IPP: variants seen among roughly 807,000 people sequenced by gnomAD.
IPP encodes the protein intracisternal A particle-promoted polypeptide.
A neutral mutation model predicts 64.1 loss-of-function variants in IPP; 41 were observed. The ratio of observed to expected loss-of-function variants is 0.64; its 90% CI spans 0.50 to 0.83. The LOEUF is 0.83. Among genes scored for constraint, IPP ranks in the 40% least tolerant of loss-of-function variants. The probability of loss-of-function intolerance (pLI) is 0.00; values close to 1 mark genes in which losing one functional copy is unlikely to be tolerated. For synonymous variants in IPP, 214 were observed against 235.2 expected (o/e 0.91, Z 0.83); for missense variants, 649 against 703.0 (o/e 0.92, Z 0.87).
chr1:45,721,069 T>A (rs928941515), intron 5 of IPP, among the ~76,000 whole-genome samples: 1 of 152,194 alleles, frequency 6.6e-6, no homozygotes. Flanking sequence ...CAGTAGAAGA[T>A]ACTTATAGCA....
intron 5 of IPP, among the ~76,000 whole-genome samples, chr1:45,721,328 G>A (rs1184795104): frequency 1.3e-5 from 2 of 152,180 alleles, no homozygotes; most frequent in Non-Finnish European, 2.9e-5. Flanking sequence ...CTGAACACAC[G>A]CTTTCCTTCT....
At chr1:45,698,528 A>C (rs1487176553), downstream of IPP, among the ~76,000 whole-genome samples, 1 of 152,082 alleles carries the variant, frequency 6.6e-6, no homozygotes, top group African/African-American at 2.4e-5. Flanking sequence ...ATCTATAAAA[A>C]GTTTCAGAAG....
At chr1:45,715,259 T>C (rs1053847136) in intron 7 of IPP, among the ~76,000 whole-genome samples, 1 of 151,528 alleles carries the variant, frequency 6.6e-6, no homozygotes, top group African/African-American at 2.4e-5. Context: ...AATTTCCTTA[T>C]AAACTCTGGC....
intron 1 of IPP, among the ~76,000 whole-genome samples, chr1:45,749,662 A>G (rs896013896): frequency 2.7e-4 from 41 of 150,512 alleles, no homozygotes; most frequent in Admixed American, 2.7e-3. Flanking sequence ...CTGGGACTAC[A>G]GGCGCCCGCC....
chr1:45,728,429 G>A (rs1428170002), intron 4 of IPP, among the ~76,000 whole-genome samples: 1 of 151,788 alleles, frequency 6.6e-6, no homozygotes, highest in Non-Finnish European at 1.5e-5. Context: ...TATGTATACA[G>A]ATCTGGACTA....
intron 8 of IPP, among the ~76,000 whole-genome samples, chr1:45,708,104 GC>G (rs1645537688): frequency 6.7e-6 from 1 of 148,930 alleles, no homozygotes; most frequent in Non-Finnish European, 1.5e-5. Flanking sequence ...TCACTCTGTC[GC>G]CCAGGCTGGA....
chr1:45,709,326 G>A (rs867213300), intron 8 of IPP, among the ~76,000 whole-genome samples: 5 of 149,862 alleles, frequency 3.3e-5, no homozygotes, highest in Non-Finnish European at 5.9e-5. Flanking sequence ...CCAGCTACTC[G>A]GGAGGCTGAG....
In IPP at chr1:45,700,169, A is replaced by G. The variant is rs1231800643; in HGVS notation, c.1552T>C (p.Ser518Pro). The change falls in exon 9 of 9, where the codon TCA (serine) becomes CCA (proline). Residue 518 changes from serine to proline, a missense_variant. By Grantham distance (74) the Ser-to-Pro change is moderately conservative. Coordinates refer to ENST00000396478, the MANE Select transcript of IPP (RefSeq NM_005897.3). ...ATGCCTGCTCTAGGCACTTTCATTG[A>G]GGCAACTTCAACCCACTTTTCCTGG... ...FEEEKWVEVA[S>P]MKVPRAGMCV... 1 of 1,613,260 alleles carries G rather than the reference A, an allele frequency of 6.2e-7. No individual in the cohort carries two copies. The highest frequency in any genetic ancestry group is 8.5e-7 in the Non-Finnish European group (1 of 1,179,750).
At chr1:45,729,589 A>C in intron 4 of IPP, 25 bp downstream of exon 4, 1 of 1,572,776 alleles carries the variant, frequency 6.4e-7, no homozygotes, top group South Asian at 1.1e-5. Flanking sequence ...TATAATTTCT[A>C]TTACTTTTTT....
chr1:45,722,377 C>G (rs1256005745), intron 5 of IPP, among the ~76,000 whole-genome samples: 2 of 151,112 alleles, frequency 1.3e-5, no homozygotes. Context: ...ATGGTGAAAC[C>G]CCATCTCTAT....
chr1:45,729,749 G>A lies in IPP; in HGVS notation c.745C>T (p.Arg249Cys), dbSNP rs756146627. ...TTCAGAAGTGTTTGCAATGCAACAC[G>A]AAGATTAAAATCGGATACTCCTAAA... The part of the protein sequence containing the change: ...YIEGVSDFNL[R>C]VALQTLLKEY... Residue 249 changes from arginine (R) to cysteine (C), a missense_variant, in exon 4 of 9, where the codon CGT (arginine) becomes TGT (cysteine). Coordinates refer to ENST00000396478, the MANE Select transcript of IPP (RefSeq NM_005897.3). The A allele has an allele frequency of 1.9e-6, 3 of 1,585,160 alleles. No individual in the cohort carries two copies. Among genetic ancestry groups the A allele is most frequent in the Non-Finnish European group, 2.6e-6 (3 of 1,164,162 alleles).
chr1:45,729,599 T>A lies in IPP; in HGVS notation c.880+15A>T, dbSNP rs558433577. ...ACAAATATAATTTCTATTACTTTTT[T>A]AAGGGCTCTCTCACCTACTGCATAC... On this transcript the variant is annotated intron_variant, in intron 4 of 8. Coordinates refer to ENST00000396478, the MANE Select transcript of IPP (RefSeq NM_005897.3). The A allele has an allele frequency of 1.0e-5, 16 of 1,592,880 alleles. No homozygotes were observed. The highest frequency in any genetic ancestry group is 1.4e-5 in the Non-Finnish European group (16 of 1,167,898).
rs79998004 is a variant in IPP, at chr1:45,722,640, T to C, written c.1049-3300A>G. On this transcript the variant is annotated intron_variant, in intron 5 of 8. Coordinates refer to ENST00000396478, the MANE Select transcript of IPP (RefSeq NM_005897.3). ...ACAATATATATCTCAAAAAGTTAAA[T>C]ATAGAGTTACCATATAACCTAACAA... is the stretch of plus-strand genomic sequence containing the variant. Among the ~76,000 whole-genome samples the C allele has an allele frequency of 3.2e-3, 494 of 152,024 alleles. 4 individuals carry two copies. Among genetic ancestry groups the C allele is most frequent in the East Asian group, 0.022 (116 of 5,180 alleles).
At chr1:45,716,751 G>A in intron 7 of IPP, 144 bp downstream of exon 7, 1 of 578,208 alleles carries the variant, frequency 1.7e-6, no homozygotes, top group South Asian at 2.8e-5. Flanking sequence ...AATGATAGGA[G>A]GTAAAAAGCA....
chr1:45,749,732 G>C (rs1010166957), intron 1 of IPP, among the ~76,000 whole-genome samples: 2 of 151,792 alleles, frequency 1.3e-5, no homozygotes, highest in Non-Finnish European at 2.9e-5. Context: ...GTGTTAGCCA[G>C]GATGGTCTCG....
rs1393888921 is a variant in IPP at position 45,699,873 on chromosome 1, CA to C, written c.*92del. ...CAAATACATGGAAAACTCACAGAATCAGAGGGTCTTATCACCAAATCTATGT... is the reference window on the plus strand; with the variant it reads ...CAAATACATGGAAAACTCACAGAATCGAGGGTCTTATCACCAAATCTATGT... On this transcript the variant is annotated 3_prime_UTR_variant, in exon 9 of 9. Transcript: ENST00000396478. 2.6e-6 allele frequency: 4 copies of C among 1,539,652 alleles called. No homozygotes were observed. The highest frequency in any genetic ancestry group is 2.6e-6 in the Non-Finnish European group (3 of 1,145,974).
intron 8 of IPP, among the ~76,000 whole-genome samples, chr1:45,706,846 A>G (rs1645519049): frequency 6.6e-6 from 1 of 152,224 alleles, no homozygotes; most frequent in African/African-American, 2.4e-5. Context: ...AAGAAAACAA[A>G]ATCCAAATAC....
intron 5 of IPP, among the ~76,000 whole-genome samples, chr1:45,725,486 G>A (rs111879370): frequency 2.9e-5 from 4 of 139,102 alleles, no homozygotes; most frequent in South Asian, 2.5e-4. Flanking sequence ...CCCCCCGCCC[G>A]GCCAGCCGCC....
chr1:45,709,101 T>A (rs565521297), intron 8 of IPP, among the ~76,000 whole-genome samples: 1 of 143,020 alleles, frequency 7.0e-6, no homozygotes, highest in Admixed American at 7.1e-5. Context: ...GAGAAGTTCA[T>A]CACCATCACC....
Sources: gnomAD v4.1 joint callset for allele counts (sites outside exome capture counted in the v4.1 genomes callset) on GRCh38, gnomAD v4.1.1 for gene constraint, MANE v1.5 for transcripts, NCBI Gene and HGNC (gene_info 2026-07-23, HGNC 2026-07-21) for gene names.